Variants in GPR137B observed in about 807,000 individuals in gnomAD.
GPR137B encodes integral membrane protein GPR137B.
Under a neutral mutation model 42.5 loss-of-function variants are expected in GPR137B, and 42 were observed. The observed-to-expected ratio is 0.99, with a 90% CI of 0.77 to 1.28. GPR137B has a LOEUF of 1.28. Among genes scored for constraint, GPR137B ranks in the 50% most tolerant of loss-of-function variants. The pLI is 0.00. For synonymous variants in GPR137B, 218 were observed against 209.7 expected, an observed-to-expected ratio of 1.04 and a Z score of -0.34; for missense variants, 487 against 493.9, an observed-to-expected ratio of 0.99 and a Z score of 0.13.
intron 2 of GPR137B, among the ~76,000 whole-genome samples, chr1:236,172,853 T>TA (rs1415356960): frequency 2.0e-5 from 3 of 151,216 alleles, no homozygotes; most frequent in East Asian, 2.0e-4. Context: ...TCCAGCTAAT[T>TA]AAAAAAAAAT....
At chr1:236,163,706 C>G (rs1558482813) in intron 1 of GPR137B, among the ~76,000 whole-genome samples, 1 of 152,082 alleles carries the variant, frequency 6.6e-6, no homozygotes, top group Non-Finnish European at 1.5e-5. Context: ...GTAAGAAGTG[C>G]CTTTCGCCAC....
intron 6 of GPR137B, chr1:236,207,307 A>T: frequency 5.1e-6 from 5 of 983,718 alleles, no homozygotes; most frequent in Non-Finnish European, 4.8e-6. Flanking sequence ...CCAACAAACA[A>T]GAAGGACTTC....
intron 2 of GPR137B, among the ~76,000 whole-genome samples, chr1:236,169,226 G>C (rs1571979380): frequency 1.4e-5 from 2 of 141,056 alleles, no homozygotes; most frequent in Non-Finnish European, 3.0e-5. Context: ...ACAGGTACAG[G>C]TACAGGTGCA....
In GPR137B at chr1:236,155,512, C is replaced by T. The variant is rs1000926165; in HGVS notation, c.414+12476C>T. On this transcript the variant is annotated intron_variant, in intron 1 of 6. Transcript: ENST00000366592. This position sits in a 1 kb window ranked among gnomAD's most constrained non-coding sequence, Gnocchi z 4.6. ...GTGGCTTTAGGTTGACTTGGAGAGC[C>T]GCAAAGGGTGTGGGTGGGAGGTGTG... Among the ~76,000 whole-genome samples, 2 of 152,076 alleles carry T rather than the reference C, an allele frequency of 1.3e-5. No individual in the cohort carries two copies. The highest frequency in any genetic ancestry group is 4.8e-5 in the African/African-American group (2 of 41,406).
At chr1:236,153,764 A>C (rs919755462) in intron 1 of GPR137B, among the ~76,000 whole-genome samples, 1 of 152,214 alleles carries the variant, frequency 6.6e-6, no homozygotes, top group African/African-American at 2.4e-5. Context: ...AAAGTTGAAG[A>C]CTTAATTCAT....
chr1:236,156,633 C>T lies in GPR137B; in HGVS notation c.415-12073C>T, dbSNP rs1662036639. Among the ~76,000 whole-genome samples, 1 of 152,222 alleles carries T rather than the reference C, an allele frequency of 6.6e-6. No individual in the cohort carries two copies. The highest frequency in any genetic ancestry group is 2.1e-4 in the South Asian group (1 of 4,830). ...GCCGCAGAGCCGCCTTGTGTGTCTT[C>T]CGGGAACCCTGCAGAAAGGAGAACT... On this transcript the variant is annotated intron_variant, in intron 1 of 6. Transcript: ENST00000366592. This position sits in a 1 kb window ranked among gnomAD's most constrained non-coding sequence, Gnocchi z 4.8.
chr1:236,172,413 T>A (rs1662564062), intron 2 of GPR137B, among the ~76,000 whole-genome samples: 1 of 152,226 alleles, frequency 6.6e-6, no homozygotes, highest in African/African-American at 2.4e-5. Flanking sequence ...CTGTAGTAAT[T>A]CACTGGTTTT....
intron 1 of GPR137B, among the ~76,000 whole-genome samples, chr1:236,167,111 C>T (rs1662382159): frequency 6.6e-6 from 1 of 152,148 alleles, no homozygotes; most frequent in Non-Finnish European, 1.5e-5. Flanking sequence ...TCTTTCCCCG[C>T]CCCGGCTTCA....
rs1258740007 is a variant in GPR137B, at chr1:236,208,476, TA to T, written c.*319del. On this transcript the variant is annotated 3_prime_UTR_variant, in exon 7 of 7. Coordinates refer to ENST00000366592, the MANE Select transcript of GPR137B (RefSeq NM_003272.4). ...TAGGGTTTTTTTTTCTTGAGAATGT[TA>T]CTGCAATCATGTTGTAGTTTGCACA... The T allele has an allele frequency of 2.3e-6, 2 of 882,006 alleles. No individual in the cohort carries two copies. Among genetic ancestry groups the T allele is most frequent in the Non-Finnish European group, 2.8e-6 (2 of 714,792 alleles). The allele number at this position is 882,006 out of a possible 1,614,324, so 54.6% of individuals were successfully genotyped here.
At chr1:236,202,468 G>A (rs1663520192) in intron 5 of GPR137B, among the ~76,000 whole-genome samples, 2 of 151,992 alleles carry the variant, frequency 1.3e-5, no homozygotes, top group African/African-American at 4.8e-5. Context: ...AAGTGTCTGT[G>A]AATTCCTTCA....
chr1:236,178,454 T>C lies in GPR137B; in HGVS notation c.505T>C (p.Phe169Leu). 1 of 1,613,992 alleles carries C rather than the reference T, an allele frequency of 6.2e-7. No homozygotes were observed. Among genetic ancestry groups the C allele is most frequent in the Non-Finnish European group, 8.5e-7 (1 of 1,179,988 alleles). The change falls in exon 3 of 7, where the codon TTC becomes CTC. Residue 169 changes from phenylalanine to leucine, a missense_variant. Transcript: ENST00000366592. ...YLASLFISLV[F>L]LLVNLTCAVL... ...GGCCTCCCTCTTCATCAGCCTTGTT[T>C]TCCTGTTGGTGAATTTAACCTGTGC...
intron 3 of GPR137B, among the ~76,000 whole-genome samples, chr1:236,178,921 CT>C (rs920778328): frequency 1.3e-5 from 2 of 149,496 alleles, no homozygotes; most frequent in African/African-American, 4.9e-5. Flanking sequence ...CCTCAGCCTC[CT>C]GAGTAGCTGG....
rs562905279 is a variant in GPR137B at position 236,196,151 on chromosome 1, T to C, written c.967-8975T>C. On this transcript the variant is annotated intron_variant, in intron 5 of 6. Transcript: ENST00000366592. Reference sequence around the variant, plus strand: ...GAATTCATTTATTTTTATTTTTATTTATTTTTGAGATGGAGTCTTGCTCTG... The same window carrying C: ...GAATTCATTTATTTTTATTTTTATTCATTTTTGAGATGGAGTCTTGCTCTG... Among the ~76,000 whole-genome samples the C allele has an allele frequency of 1.1e-3, 171 of 152,336 alleles. 1 individual carries two copies. Among genetic ancestry groups the C allele is most frequent in the African/African-American group, 4.0e-3 (165 of 41,578 alleles).
At chr1:236,195,260 C>G (rs571444995) in intron 5 of GPR137B, among the ~76,000 whole-genome samples, 1 of 151,900 alleles carries the variant, frequency 6.6e-6, no homozygotes, top group Non-Finnish European at 1.5e-5. Flanking sequence ...ACTCTCCCCC[C>G]GCCACTACCC....
At chr1:236,144,179 C>T (rs1404670219) in intron 1 of GPR137B, among the ~76,000 whole-genome samples, 2 of 151,862 alleles carry the variant, frequency 1.3e-5, no homozygotes, top group East Asian at 1.9e-4. Flanking sequence ...ATTGTGGAGG[C>T]GGAGGCGGGA....
At chr1:236,154,665 A>G (rs952446768) in intron 1 of GPR137B, among the ~76,000 whole-genome samples, 3 of 151,942 alleles carry the variant, frequency 2.0e-5, no homozygotes, top group African/African-American at 7.3e-5. Context: ...TTCCCAGGGC[A>G]TCCTAAAACC....
intron 4 of GPR137B, among the ~76,000 whole-genome samples, chr1:236,182,791 A>G (rs1386453218): frequency 6.6e-6 from 1 of 152,118 alleles, no homozygotes; most frequent in African/African-American, 2.4e-5. Flanking sequence ...GATTTAAAAT[A>G]TGACAATCTT....
chr1:236,172,040 CAAAA>C (rs554280420), intron 2 of GPR137B, among the ~76,000 whole-genome samples: 7 of 72,488 alleles, frequency 9.7e-5, no homozygotes, highest in Admixed American at 1.6e-4. Context: ...AACTCCATCT[CAAAA>C]AAAAAAAAAA....
At chr1:236,165,214 G>C (rs535269044) in intron 1 of GPR137B, among the ~76,000 whole-genome samples, 1 of 152,292 alleles carries the variant, frequency 6.6e-6, no homozygotes, top group East Asian at 1.9e-4. Flanking sequence ...CTGAATTCAA[G>C]ATATATTGCC....
Sources: allele counts gnomAD v4.1 joint callset (sites outside exome capture counted in the v4.1 genomes callset), GRCh38; gene constraint gnomAD v4.1.1; non-coding constraint Gnocchi (gnomAD v3.1); transcripts MANE v1.5; gene names NCBI Gene and HGNC (gene_info 2026-07-23, HGNC 2026-07-21).